Variants in CA10 observed in about 807,000 individuals in gnomAD.
The protein encoded by CA10 is carbonic anhydrase-related protein 10.
CA10 carries 14 observed loss-of-function variants against 44.2 expected under a neutral mutation model. The observed-to-expected ratio is 0.32, with a 90% CI of 0.21 to 0.50. The LOEUF (loss-of-function observed/expected upper bound fraction) is 0.50. Among genes scored for constraint, CA10 ranks in the 20% least tolerant of loss-of-function variants. The pLI is 0.99. For missense variants in CA10, 350 were observed against 409.7 expected (o/e 0.85, Z 1.26); for synonymous variants, 159 against 141.6 (o/e 1.12, Z -0.87).
chr17:51,918,948 A>G (rs920421173), intron 3 of CA10, among the ~76,000 whole-genome samples: 1 of 152,202 alleles, frequency 6.6e-6, no homozygotes, highest in African/African-American at 2.4e-5. Flanking sequence ...ATATGACATT[A>G]AATCTTCATC....
intron 6 of CA10, among the ~76,000 whole-genome samples, chr17:51,644,455 T>A (rs534435354): frequency 6.6e-6 from 1 of 152,322 alleles, no homozygotes; most frequent in Non-Finnish European, 1.5e-5. Context: ...CTCTATTTAT[T>A]CTTACTCTCA....
chr17:52,027,640 C>T (rs1350217609), intron 2 of CA10, among the ~76,000 whole-genome samples: 1 of 152,118 alleles, frequency 6.6e-6, no homozygotes, highest in Non-Finnish European at 1.5e-5. Context: ...TGCAACTCTC[C>T]TTACAGAAGC....
Position 52,157,900 on chromosome 17 carries a change from C to T in CA10, c.-114G>A. On this transcript the variant is annotated 5_prime_UTR_variant, in exon 1 of 9. Coordinates refer to ENST00000451037, the MANE Select transcript of CA10 (RefSeq NM_020178.5). The stretch of plus-strand genomic sequence containing the variant: ...ACACACTTCCGAGCGAGTGCACACT[C>T]GCACTCCCACCCGACAGCCGGCCAG... The T allele has an allele frequency of 1.2e-6, 1 of 824,624 alleles. No individual in the cohort carries two copies. Among genetic ancestry groups the T allele is most frequent in the Non-Finnish European group, 2.1e-6 (1 of 471,936 alleles). The allele number at this position is 824,624 out of a possible 1,614,324, so 51.1% of individuals were successfully genotyped here.
Position 52,074,573 on chromosome 17 carries a change from G to T in CA10, c.62-2180C>A, listed in dbSNP as rs1987768032. On this transcript the variant is annotated intron_variant, in intron 1 of 8. Transcript: ENST00000451037. ...TTGGGGAAGCTGCATTATCTTGCAT[G>T]TGTTTCATTACCCCAAATAAATATA... is the stretch of plus-strand genomic sequence containing the variant. Among the ~76,000 whole-genome samples, 4 of 151,130 alleles carry T rather than the reference G, an allele frequency of 2.6e-5. No individual in the cohort carries two copies. The Admixed American group carries it at 2.6e-4, about 10-fold the overall frequency.
chr17:51,869,239 T>A (rs1979698040), intron 3 of CA10, among the ~76,000 whole-genome samples: 1 of 152,138 alleles, frequency 6.6e-6, no homozygotes, highest in Non-Finnish European at 1.5e-5. Flanking sequence ...CCTTGAACAC[T>A]AACTTATGGC....
At chr17:51,990,430 TA>T (rs34085669) in intron 2 of CA10, among the ~76,000 whole-genome samples, 6 of 151,506 alleles carry the variant, frequency 4.0e-5, no homozygotes, top group Admixed American at 6.6e-5. Context: ...TTTTCCTAAT[TA>T]AAAAAAAATT....
At chr17:52,080,356 G>A (rs569147622) in intron 1 of CA10, among the ~76,000 whole-genome samples, 106 of 152,056 alleles carry the variant, frequency 7.0e-4, no homozygotes, top group African/African-American at 2.1e-3. Context: ...GGAGGCTGAG[G>A]CAGGAGAATG....
chr17:51,994,524 G>A (rs181008646), intron 2 of CA10, among the ~76,000 whole-genome samples: 105 of 151,974 alleles, frequency 6.9e-4, no homozygotes, highest in African/African-American at 2.4e-3. Flanking sequence ...TCTGTCTTTA[G>A]GAGAGGTAGG....
intron 2 of CA10, among the ~76,000 whole-genome samples, chr17:52,023,724 T>C (rs1457831314): frequency 2.7e-5 from 4 of 148,922 alleles, no homozygotes. Flanking sequence ...AAAGTATGCA[T>C]GCAACAAAGG....
intron 3 of CA10, among the ~76,000 whole-genome samples, chr17:51,847,287 G>A (rs143611326): frequency 3.9e-5 from 6 of 152,066 alleles, no homozygotes; most frequent in East Asian, 3.9e-4. Context: ...CAGGGAAATC[G>A]CTCCAGAAGG....
At chr17:52,044,771 A>ATTAAAC (rs3062097) in intron 2 of CA10, among the ~76,000 whole-genome samples, 150,861 of 152,050 alleles carry the variant, frequency 0.99, 74,855 homozygotes, top group South Asian at 1. Flanking sequence ...AACAGAAACT[A>ATTAAAC]TTAAAGTGCA....
At chr17:52,001,206 A>T (rs1985413451) in intron 2 of CA10, among the ~76,000 whole-genome samples, 1 of 151,986 alleles carries the variant, frequency 6.6e-6, no homozygotes, top group African/African-American at 2.4e-5. Context: ...TTAAATTTTC[A>T]AAGGATTGTA....
At chr17:51,750,561 G>T (rs766758938) in intron 3 of CA10, among the ~76,000 whole-genome samples, 1 of 151,960 alleles carries the variant, frequency 6.6e-6, no homozygotes, top group African/African-American at 2.4e-5. Context: ...ATCTTTTCAC[G>T]AATCCAGAGA....
intron 4 of CA10, among the ~76,000 whole-genome samples, chr17:51,713,618 A>T (rs1372136201): frequency 6.6e-6 from 1 of 152,202 alleles, no homozygotes; most frequent in Non-Finnish European, 1.5e-5. Context: ...GGGTACAGGC[A>T]TCTGTTGTTA....
At chr17:51,754,590 A>T (rs1460173187) in intron 3 of CA10, among the ~76,000 whole-genome samples, 1 of 151,610 alleles carries the variant, frequency 6.6e-6, no homozygotes, top group Non-Finnish European at 1.5e-5. Context: ...TCATTCAGGG[A>T]GGTCAGTCTT....
At chr17:51,754,192 T>G (rs1904994663) in intron 3 of CA10, among the ~76,000 whole-genome samples, 1 of 150,804 alleles carries the variant, frequency 6.6e-6, no homozygotes, top group Admixed American at 6.6e-5. Flanking sequence ...CTTCAAGAGG[T>G]GGGTTGAGAG....
chr17:51,707,657 G>T (rs1915801417), intron 4 of CA10, among the ~76,000 whole-genome samples: 1 of 130,736 alleles, frequency 7.6e-6, no homozygotes, highest in South Asian at 2.6e-4. Flanking sequence ...TGCAGGGAAG[G>T]AAAGTGGATG....
At chr17:51,652,993 G>T (rs1913635623) in intron 5 of CA10, among the ~76,000 whole-genome samples, 1 of 116,952 alleles carries the variant, frequency 8.6e-6, no homozygotes, top group Non-Finnish European at 1.8e-5. Context: ...AAATGTTAAA[G>T]GTAATTAGTA....
rs754745631 is a variant in CA10 at position 51,836,051 on chromosome 17, GA to G, written c.280-88234del. Among the ~76,000 whole-genome samples the G allele has an allele frequency of 6.6e-5, 10 of 151,080 alleles. No homozygotes were observed. In the East Asian group the frequency reaches 1.2e-3, roughly 18 times the overall value. On this transcript the variant is annotated intron_variant, in intron 3 of 8. Coordinates refer to ENST00000451037, the MANE Select transcript of CA10 (RefSeq NM_020178.5). ...AGGAGAGGAAAGAGAAGGAGGAACA[GA>G]AAAAAAAATTAAATAGGATGTAACA...
Sources: allele counts gnomAD v4.1 joint callset (sites outside exome capture counted in the v4.1 genomes callset), GRCh38; gene constraint gnomAD v4.1.1; transcripts MANE v1.5; gene names NCBI Gene and HGNC (gene_info 2026-07-23, HGNC 2026-07-21).